Variants in SEC61A1 observed in about 807,000 individuals in gnomAD.
The protein encoded by SEC61A1 is protein transport protein Sec61 subunit alpha isoform 1.
Under a neutral mutation model 55.2 loss-of-function variants are expected in SEC61A1, and 15 were observed. The observed-to-expected ratio is 0.27, with a 90% CI of 0.18 to 0.42. SEC61A1 has a LOEUF of 0.42. SEC61A1 is among the 10% of genes least tolerant of loss of function. The pLI, the probability that SEC61A1 is intolerant of heterozygous loss-of-function variation, is 1.00. For synonymous variants in SEC61A1, 247 were observed against 234.0 expected (o/e 1.06, Z -0.51); for missense variants, 284 against 602.6 (o/e 0.47, Z 5.53).
At chr3:128,068,143 G>A (rs2107652727) in intron 11 of SEC61A1, 84 bp downstream of exon 11, 2 of 957,856 alleles carry the variant, frequency 2.1e-6, no homozygotes, top group Middle Eastern at 2.6e-4. Context: ...ATAGGCCCTA[G>A]CACTTACTGG....
intron 11 of SEC61A1, chr3:128,068,844 G>A (rs1942064683): frequency 6.6e-6 from 1 of 152,448 alleles, no homozygotes; most frequent in Non-Finnish European, 1.5e-5. Flanking sequence ...ACAGACAAAT[G>A]AGCATGGCCG....
Position 128,069,745 on chromosome 3 carries a change from C to T in SEC61A1, c.*83C>T, listed in dbSNP as rs1015145929. 3.6e-6 allele frequency: 4 copies of T among 1,103,470 alleles called. No individual in the cohort carries two copies. In the African/African-American group the frequency reaches 6.3e-5, roughly 17 times the overall value. 68.4% of individuals were successfully genotyped at this position (1,103,470 alleles called of 1,614,324 possible). A position where few individuals can be genotyped will look rare whatever the true frequency, so the allele number is the denominator to read the frequency against. The stretch of plus-strand genomic sequence containing the variant: ...CTCATCATGGCGCGTGCTGCTGCGG[C>T]ATATGGACTTTTAATAATGTTTTTG... On this transcript the variant is annotated 3_prime_UTR_variant, in exon 12 of 12. Transcript: ENST00000243253.
At chr3:128,055,308 C>T (rs1375201482) in intron 2 of SEC61A1, among the ~76,000 whole-genome samples, 3 of 152,090 alleles carry the variant, frequency 2.0e-5, no homozygotes, top group Non-Finnish European at 2.9e-5. Context: ...TGGGGTGATG[C>T]CTGTAGGTCC....
chr3:128,067,255 T>C lies in SEC61A1; in HGVS notation c.975+104T>C, dbSNP rs79089313. 173 of 1,344,768 alleles carry C rather than the reference T, an allele frequency of 1.3e-4. 2 individuals are homozygous for C. In the East Asian group the frequency reaches 3.8e-3, roughly 29 times the overall value. The allele number at this position is 1,344,768 out of a possible 1,614,324, so 83.3% of individuals were successfully genotyped here. ...ATATTTCATCCAAAGATATTTTCCA[T>C]TGTGCCTTTTACAAATTCAGCACAT... On this transcript the variant is annotated intron_variant, in intron 9 of 11. Transcript: ENST00000243253. This position sits in a 1 kb window ranked among gnomAD's most constrained non-coding sequence, Gnocchi z 4.1.
intron 5 of SEC61A1, 124 bp downstream of exon 5, chr3:128,056,964 T>A: frequency 1.7e-4 from 105 of 633,028 alleles, no homozygotes; most frequent in Middle Eastern, 5.5e-4. Flanking sequence ...TGAGATGGAG[T>A]CTTACTCTGT....
intron 2 of SEC61A1, among the ~76,000 whole-genome samples, chr3:128,054,860 C>T (rs1941749115): frequency 6.6e-6 from 1 of 152,090 alleles, no homozygotes; most frequent in Non-Finnish European, 1.5e-5. Context: ...TCTAATGATA[C>T]TTAATACTTA....
chr3:128,057,909 T>A (rs1354839712), intron 5 of SEC61A1, among the ~76,000 whole-genome samples: 1 of 152,070 alleles, frequency 6.6e-6, no homozygotes, highest in East Asian at 1.9e-4. Flanking sequence ...TCAGTCCAGC[T>A]GTATAATTTA....
intron 2 of SEC61A1, 27 bp from the exon 3 acceptor site, chr3:128,055,489 G>C: frequency 6.4e-7 from 1 of 1,573,416 alleles, no homozygotes; most frequent in Non-Finnish European, 8.7e-7. Context: ...GTAACTCCCT[G>C]CTTCAATTCA....
chr3:128,060,021 C>T (rs1271105544), intron 5 of SEC61A1, 81 bp from the exon 6 acceptor site: 12 of 994,130 alleles, frequency 1.2e-5, no homozygotes, highest in East Asian at 7.2e-5. Flanking sequence ...CCGTGCCTGG[C>T]GTTGAATTGG....
In SEC61A1 at chr3:128,066,915, G is replaced by A. The variant is rs79401806; in HGVS notation, c.778-39G>A. On this transcript the variant is annotated intron_variant, in intron 8 of 11. Coordinates refer to ENST00000243253, the MANE Select transcript of SEC61A1 (RefSeq NM_013336.4). Reference sequence around the variant, plus strand: ...GTGTTTCTGTGCAGCAGGCTGAAATGAGGCAGTGAAGGGGATTTGGTTCTG... The same window carrying A: ...GTGTTTCTGTGCAGCAGGCTGAAATAAGGCAGTGAAGGGGATTTGGTTCTG... The A allele has an allele frequency of 4.9e-5, 78 of 1,603,938 alleles. No homozygotes were observed. The African/African-American group carries it at 6.9e-4, about 14-fold the overall frequency.
In SEC61A1 at chr3:128,052,546, C is replaced by T. The variant is rs776813773; in HGVS notation, c.-7C>T. On this transcript the variant is annotated 5_prime_UTR_variant, in exon 1 of 12. Coordinates refer to ENST00000243253, the MANE Select transcript of SEC61A1 (RefSeq NM_013336.4). ...AAGCGGGACCCGGAGCCCGAGCAGCCGCCGCCATGGCAAGTGAGTCCTGTA... is the reference window on the plus strand; with the variant it reads ...AAGCGGGACCCGGAGCCCGAGCAGCTGCCGCCATGGCAAGTGAGTCCTGTA... 3.8e-6 allele frequency: 6 copies of T among 1,598,774 alleles called. No homozygotes were observed. The highest frequency in any genetic ancestry group is 1.7e-5 in the Admixed American group (1 of 57,966).
At chr3:128,063,704 C>T (rs1320112433) in intron 7 of SEC61A1, among the ~76,000 whole-genome samples, 1 of 152,196 alleles carries the variant, frequency 6.6e-6, no homozygotes, top group Non-Finnish European at 1.5e-5. Context: ...CACAGAGACC[C>T]TGTCTCTGGA....
rs772842157 is a variant in SEC61A1, at chr3:128,052,915, A to T, written c.75+13A>T. The T allele has an allele frequency of 6.2e-7, 1 of 1,602,970 alleles. No individual in the cohort carries two copies. The highest frequency in any genetic ancestry group is 2.2e-5 in the East Asian group (1 of 44,820). ...GCCAGAGAGGAAGGTAAGTACCCCA[A>T]ATCGCCAACAAAGAAGGTTTCAGGA... On this transcript the variant is annotated intron_variant, in intron 2 of 11. Transcript: ENST00000243253.
chr3:128,058,201 ATTTTTTTTTT>A (rs57508280), intron 5 of SEC61A1, among the ~76,000 whole-genome samples: 2 of 79,372 alleles, frequency 2.5e-5, no homozygotes, highest in Non-Finnish European at 4.5e-5. Context: ...AAATACGTCT[ATTTTTTTTTT>A]TTTTTTTTTT....
chr3:128,067,123 T>G lies in SEC61A1; in HGVS notation c.947T>G (p.Leu316Trp). Residue 316 changes from leucine (L) to tryptophan (W), a missense_variant, in exon 9 of 12, where the codon TTG (leucine) becomes TGG (tryptophan). Physicochemically the swap from Leu to Trp is moderately conservative, Grantham distance 61 (BLOSUM62 -2). Coordinates refer to ENST00000243253, the MANE Select transcript of SEC61A1 (RefSeq NM_013336.4). This position sits in a 1 kb window ranked among gnomAD's most constrained non-coding sequence, Gnocchi z 4.1. ...QMLSARFSGNLLVSLLGTWSD... is the reference protein window; with the variant it reads ...QMLSARFSGNWLVSLLGTWSD... Reference sequence around the variant, plus strand: ...CTCTCAGCTCGCTTCAGTGGCAACTTGCTGGTCAGCCTGCTGGGCACCTGG... The same window carrying G: ...CTCTCAGCTCGCTTCAGTGGCAACTGGCTGGTCAGCCTGCTGGGCACCTGG... 1 of 1,614,268 alleles carries G rather than the reference T, an allele frequency of 6.2e-7. No homozygotes were observed. The highest frequency in any genetic ancestry group is 1.1e-5 in the South Asian group (1 of 91,088).
At chr3:128,061,336 T>C (rs1293220239) in intron 7 of SEC61A1, among the ~76,000 whole-genome samples, 1 of 152,226 alleles carries the variant, frequency 6.6e-6, no homozygotes, top group African/African-American at 2.4e-5. Context: ...CGTGGAAATC[T>C]TGTAACAGCA....
At chr3:128,056,018 A>C (rs1941764774) in intron 4 of SEC61A1, among the ~76,000 whole-genome samples, 1 of 152,234 alleles carries the variant, frequency 6.6e-6, no homozygotes, top group African/African-American at 2.4e-5. Context: ...AAAAACATGG[A>C]AAAACTAGAA....
intron 7 of SEC61A1, 170 bp from the exon 8 acceptor site, chr3:128,064,707 G>A (rs1941909834): frequency 1.6e-6 from 1 of 613,188 alleles, no homozygotes; most frequent in African/African-American, 1.8e-5. Flanking sequence ...ATTCTCTACA[G>A]AAGAGAAGGG....
chr3:128,052,447 T>A lies in SEC61A1; in HGVS notation c.-106T>A. 1.4e-6 allele frequency: 2 copies of A among 1,436,214 alleles called. No homozygotes were observed. The highest frequency in any genetic ancestry group is 4.5e-4 in the Middle Eastern group (2 of 4,406). The allele number at this position is 1,436,214 out of a possible 1,614,324, so 89.0% of individuals were successfully genotyped here. On this transcript the variant is annotated 5_prime_UTR_variant, in exon 1 of 12. Coordinates refer to ENST00000243253, the MANE Select transcript of SEC61A1 (RefSeq NM_013336.4). ...CGCCGGGCTAGCACTGACGTGTCTC[T>A]CGGCGGAGCTGCTGTGCAGTGGAAC... is the stretch of plus-strand genomic sequence containing the variant.
Sources: allele counts gnomAD v4.1 joint callset (sites outside exome capture counted in the v4.1 genomes callset), GRCh38; gene constraint gnomAD v4.1.1; non-coding constraint Gnocchi (gnomAD v3.1); transcripts MANE v1.5; gene names NCBI Gene and HGNC (gene_info 2026-07-23, HGNC 2026-07-21).